Variants in ABCB1 observed in about 807,000 individuals in gnomAD.
The protein encoded by ABCB1 is ATP-dependent translocase ABCB1.
A neutral mutation model predicts 142.0 loss-of-function variants in ABCB1; 69 were observed. The observed-to-expected ratio is 0.49, with a 90% CI of 0.40 to 0.59. ABCB1 has a LOEUF of 0.59. Among genes scored for constraint, ABCB1 ranks in the 20% least tolerant of loss-of-function variants. The pLI, the probability that ABCB1 is intolerant of heterozygous loss-of-function variation, is 0.00. For missense variants in ABCB1, 1,326 were observed against 1,554.7 expected (o/e 0.85, Z 2.47); for synonymous variants, 532 against 539.2 (o/e 0.99, Z 0.18).
intron 1 of ABCB1, among the ~76,000 whole-genome samples, chr7:87,698,598 G>A (rs1023862357): frequency 3.3e-5 from 5 of 152,034 alleles, no homozygotes; most frequent in African/African-American, 1.2e-4. Context: ...AAGTTTTTGT[G>A]TTCATTGCAT....
At chr7:87,712,246 A>G (rs1242336755) in intron 1 of ABCB1, among the ~76,000 whole-genome samples, 2 of 152,132 alleles carry the variant, frequency 1.3e-5, no homozygotes, top group Non-Finnish European at 2.9e-5. Context: ...TTCAAGCAAC[A>G]TGACACTCGA....
intron 9 of ABCB1, among the ~76,000 whole-genome samples, chr7:87,553,469 C>T (rs575472669): frequency 5.3e-5 from 8 of 151,774 alleles, no homozygotes; most frequent in African/African-American, 1.9e-4. Flanking sequence ...TACAGGCGCC[C>T]GCCACCACGC....
At chr7:87,650,704 G>T in intron 1 of ABCB1, 1 of 674,422 alleles carries the variant, frequency 1.5e-6, no homozygotes, top group Non-Finnish European at 2.7e-6. Context: ...TTTTTCAGAT[G>T]TTATACTCTT....
chr7:87,587,460 G>T (rs953666391), intron 3 of ABCB1, among the ~76,000 whole-genome samples: 2 of 152,190 alleles, frequency 1.3e-5, no homozygotes, highest in Non-Finnish European at 2.9e-5. Context: ...TACATGCTCT[G>T]CATGCTTTGA....
chr7:87,649,197 A>T (rs1054737226), intron 1 of ABCB1, among the ~76,000 whole-genome samples: 6 of 152,072 alleles, frequency 3.9e-5, no homozygotes, highest in Non-Finnish European at 7.4e-5. Context: ...CCTGATTTTG[A>T]TAGTGGTTAT....
chr7:87,571,389 T>C (rs1818048166), intron 4 of ABCB1, among the ~76,000 whole-genome samples: 1 of 152,168 alleles, frequency 6.6e-6, no homozygotes, highest in South Asian at 2.1e-4. Context: ...ATTAGAAGTA[T>C]GTTCTACGAG....
rs868336094 is a variant in ABCB1, at chr7:87,588,552, T to C, written c.118-2872A>G. Among the ~76,000 whole-genome samples, 4 of 152,246 alleles carry C rather than the reference T, an allele frequency of 2.6e-5. No homozygotes were observed. In the South Asian group the frequency reaches 8.3e-4, roughly 31 times the overall value. On this transcript the variant is annotated intron_variant, in intron 3 of 27. Transcript: ENST00000622132. ...GCTGCATGGTGTTCAATGCTCTATG[T>C]GTACCACATTTTCTTTATCCAGTCT...
chr7:87,548,027 A>AGAAAC (rs1816863611), intron 14 of ABCB1, among the ~76,000 whole-genome samples: 1 of 148,180 alleles, frequency 6.7e-6, no homozygotes, highest in Non-Finnish European at 1.5e-5. Context: ...AGAAAAGAAA[A>AGAAAC]GATAAGATAA....
chr7:87,671,479 A>T (rs916317207), intron 1 of ABCB1, among the ~76,000 whole-genome samples: 6 of 152,124 alleles, frequency 3.9e-5, no homozygotes, highest in African/African-American at 1.4e-4. Flanking sequence ...CCAATTTTCC[A>T]TAGGGCTGCT....
intron 4 of ABCB1, among the ~76,000 whole-genome samples, chr7:87,571,562 T>C (rs1167445644): frequency 6.6e-6 from 1 of 152,070 alleles, no homozygotes; most frequent in Admixed American, 6.6e-5. Flanking sequence ...TAGCAACTGA[T>C]AGAATATAAG....
rs1584823781 is a variant in ABCB1 at position 87,504,266 on chromosome 7, G to T, written c.3820C>A (p.Gln1274Lys). The change falls in exon 28 of 28, where the codon CAG becomes AAG. Residue 1274 changes from glutamine to lysine, a missense_variant. Gln to Lys is a moderately conservative substitution (Grantham distance 53). Transcript: ENST00000622132. ...GTTCACTGGCGCTTTGTTCCAGCCT[G>T]GACACTGACCATTGAAAAATAGATG... is the stretch of plus-strand genomic sequence containing the variant. ...KGIYFSMVSV[Q>K]AGTKRQ 1 of 1,613,990 alleles carries T rather than the reference G, an allele frequency of 6.2e-7. No individual in the cohort carries two copies. Among genetic ancestry groups the T allele is most frequent in the Non-Finnish European group, 8.5e-7 (1 of 1,180,040 alleles).
upstream of ABCB1, among the ~76,000 whole-genome samples, chr7:87,601,394 T>A (rs1159447099): frequency 6.6e-6 from 1 of 152,188 alleles, no homozygotes; most frequent in Non-Finnish European, 1.5e-5. Flanking sequence ...ATAAATGGAA[T>A]GAAAGAAAAA....
At chr7:87,514,502 CT>C (rs1179675344) in intron 25 of ABCB1, among the ~76,000 whole-genome samples, 3 of 151,942 alleles carry the variant, frequency 2.0e-5, no homozygotes, top group South Asian at 2.1e-4. Context: ...GTTGATTCTA[CT>C]TTTTTTTCCT....
chr7:87,524,743 A>G (rs150867018), intron 21 of ABCB1, among the ~76,000 whole-genome samples: 76 of 152,268 alleles, frequency 5.0e-4, no homozygotes, highest in African/African-American at 1.7e-3. Context: ...AATAAAAATA[A>G]AAAAATAAAA....
At position 87,573,980 on chromosome 7, in the gene ABCB1, T is replaced by C. The variant is rs1478963344; in HGVS notation, c.287-3757A>G. 2.0e-5 allele frequency among the ~76,000 whole-genome samples: 3 copies of C among 152,202 alleles called. No homozygotes were observed. The East Asian group carries it at 5.8e-4, about 29-fold the overall frequency. ...GACAGAATATTTTGTTTAAATTTCA[T>C]GAGATTAAGCTCCACCCTTTAGACT... On this transcript the variant is annotated intron_variant, in intron 4 of 27. Coordinates refer to ENST00000622132, the MANE Select transcript of ABCB1 (RefSeq NM_001348946.2).
intron 1 of ABCB1, chr7:87,709,543 A>G (rs1316910712): frequency 6.1e-6 from 6 of 984,502 alleles, no homozygotes; most frequent in Admixed American, 6.2e-5. Flanking sequence ...CCATACCCTT[A>G]TCATTCATTT....
chr7:87,670,885 AGT>A (rs1563120111), intron 1 of ABCB1, among the ~76,000 whole-genome samples: 1 of 152,192 alleles, frequency 6.6e-6, no homozygotes, highest in Non-Finnish European at 1.5e-5. Context: ...ATGTTCTGAA[AGT>A]GTGAGTTTCT....
Position 87,544,292 on chromosome 7 carries a change from A to G in ABCB1, c.2065-17T>C, listed in dbSNP as rs2129663188. 3 of 1,611,950 alleles carry G rather than the reference A, an allele frequency of 1.9e-6. No individual in the cohort carries two copies. The highest frequency in any genetic ancestry group is 2.5e-6 in the Non-Finnish European group (3 of 1,179,608). On this transcript the variant is annotated splice_polypyrimidine_tract_variant and intron_variant, in intron 16 of 27. Coordinates refer to ENST00000622132, the MANE Select transcript of ABCB1 (RefSeq NM_001348946.2). ...ACTTTCATCCTAGAAAACACAAATT[A>G]TTACAACAGGCTAGTTAAAAACTTT...
At chr7:87,673,017 T>C (rs1323523855) in intron 1 of ABCB1, among the ~76,000 whole-genome samples, 1 of 152,204 alleles carries the variant, frequency 6.6e-6, no homozygotes, top group Non-Finnish European at 1.5e-5. Flanking sequence ...GGAATTCCTT[T>C]TCTATAAGAA....
Sources: gnomAD v4.1 joint callset for allele counts (sites outside exome capture counted in the v4.1 genomes callset) on GRCh38, gnomAD v4.1.1 for gene constraint, MANE v1.5 for transcripts, NCBI Gene and HGNC (gene_info 2026-07-23, HGNC 2026-07-21) for gene names.